SLC37A1: variants seen among roughly 807,000 people sequenced by gnomAD.
The protein encoded by SLC37A1 is solute carrier family 37 member 1, also known as glucose-6-phosphate exchanger SLC37A1.
A neutral mutation model predicts 75.3 loss-of-function variants in SLC37A1; 49 were observed. That is an observed-to-expected ratio of 0.65 (90% CI 0.52 to 0.83). The LOEUF (loss-of-function observed/expected upper bound fraction) is 0.83. Among genes scored for constraint, SLC37A1 ranks in the 40% least tolerant of loss-of-function variants. The pLI is 0.00. For missense variants in SLC37A1, 566 were observed against 695.0 expected, an observed-to-expected ratio of 0.81 and a Z score of 2.09; for synonymous variants, 268 against 292.1, an observed-to-expected ratio of 0.92 and a Z score of 0.84.
At position 42,518,277 on chromosome 21, in the gene SLC37A1, A is replaced by C; in HGVS notation, c.-178A>C. The C allele has an allele frequency of 1.5e-6, 1 of 679,744 alleles. No homozygotes were observed. Among genetic ancestry groups the C allele is most frequent in the Middle Eastern group, 3.6e-4 (1 of 2,744 alleles). 42.1% of individuals were successfully genotyped at this position (679,744 alleles called of 1,614,324 possible). A position where few individuals can be genotyped will look rare whatever the true frequency, so the allele number is the denominator to read the frequency against. On this transcript the variant is annotated splice_region_variant and 5_prime_UTR_variant, in exon 2 of 20. Coordinates refer to ENST00000352133, the MANE Select transcript of SLC37A1 (RefSeq NM_001320537.2). ...TGAATGCCTCTCCTCCTCCTTGTAG[A>C]GAGCAGAGCCACTGCCAGAAGGAAG...
At chr21:42,556,943 G>A (rs2055705745) in intron 10 of SLC37A1, among the ~76,000 whole-genome samples, 1 of 152,208 alleles carries the variant, frequency 6.6e-6, no homozygotes, top group Non-Finnish European at 1.5e-5. Context: ...CTGTCTCGGG[G>A]GCTCCTTGCT....
intron 1 of SLC37A1, among the ~76,000 whole-genome samples, chr21:42,515,374 AAT>A (rs1173187409): frequency 2.0e-5 from 3 of 152,182 alleles, no homozygotes; most frequent in African/African-American, 7.2e-5. Flanking sequence ...GTTAAAAAAA[AAT>A]GTCATAAAGT....
chr21:42,544,255 T>A (rs1430014410), intron 8 of SLC37A1, among the ~76,000 whole-genome samples: 2 of 152,108 alleles, frequency 1.3e-5, no homozygotes, highest in East Asian at 3.9e-4. Context: ...TGTACTCAAC[T>A]CTTAGTTCTT....
In SLC37A1 at chr21:42,547,121, G is replaced by T; in HGVS notation, c.749G>T (p.Cys250Phe). The T allele has an allele frequency of 6.2e-7, 1 of 1,614,156 alleles. No individual in the cohort carries two copies. The highest frequency in any genetic ancestry group is 8.5e-7 in the Non-Finnish European group (1 of 1,180,024). The change falls in exon 9 of 20, where the codon TGC becomes TTC. Residue 250 changes from cysteine (C) to phenylalanine (F), a missense_variant. Transcript: ENST00000352133. This position sits in a 1 kb window ranked among gnomAD's most constrained non-coding sequence, Gnocchi z 6.1. ...CTTTCAGATCCGAACGACGTCAGGT[G>T]CTCCTCCACCCTGGTGACGGTAAGG... ...FLIEHPNDVR[C>F]SSTLVTHSKG...
intron 9 of SLC37A1, among the ~76,000 whole-genome samples, chr21:42,550,892 TCAA>T (rs139004490): frequency 0.14 from 20,701 of 152,100 alleles, 2,036 homozygotes; most frequent in African/African-American, 0.28. Flanking sequence ...GTGAAAACAC[TCAA>T]CAAACTAGGA....
At chr21:42,539,015 C>A (rs1401655687) in intron 5 of SLC37A1, among the ~76,000 whole-genome samples, 1 of 152,188 alleles carries the variant, frequency 6.6e-6, no homozygotes, top group Non-Finnish European at 1.5e-5. Context: ...CAGCTGAAAG[C>A]CACTTCCCCA....
At chr21:42,505,007 G>A (rs529501488) in intron 2 of SLC37A1, among the ~76,000 whole-genome samples, 1 of 151,998 alleles carries the variant, frequency 6.6e-6, no homozygotes, top group Non-Finnish European at 1.5e-5. Flanking sequence ...CATTCCCACT[G>A]CTTCTTCCTT....
Position 42,539,654 on chromosome 21 carries a change from G to A in SLC37A1, c.486+7G>A, listed in dbSNP as rs375009237. On this transcript the variant is annotated splice_region_variant and intron_variant, in intron 6 of 19. Coordinates refer to ENST00000352133, the MANE Select transcript of SLC37A1 (RefSeq NM_001320537.2). Reference sequence around the variant, plus strand: ...ATTCTACGTGGTAACTCAGGTAAGGGTTTGGATCCGTGGCTCACCATGTAC... The same window carrying A: ...ATTCTACGTGGTAACTCAGGTAAGGATTTGGATCCGTGGCTCACCATGTAC... 57 of 1,611,524 alleles carry A rather than the reference G, an allele frequency of 3.5e-5. No individual in the cohort carries two copies. The South Asian group carries it at 5.2e-4, about 15-fold the overall frequency.
At chr21:42,525,176 A>G (rs139922893) in intron 2 of SLC37A1, among the ~76,000 whole-genome samples, 51 of 152,278 alleles carry the variant, frequency 3.3e-4, no homozygotes, top group Non-Finnish European at 6.8e-4. Flanking sequence ...GCATCTCTTC[A>G]TCTGTATGTA....
Position 42,539,465 on chromosome 21 carries a change from C to T in SLC37A1, c.351-47C>T, listed in dbSNP as rs1451556060. On this transcript the variant is annotated intron_variant, in intron 5 of 19. Coordinates refer to ENST00000352133, the MANE Select transcript of SLC37A1 (RefSeq NM_001320537.2). ...AAACAGCCACGAGGTTGCTAACATT[C>T]GGGCGTGTTTGTTATTCCTATTTGT... The T allele has an allele frequency of 5.1e-6, 8 of 1,569,826 alleles. No individual in the cohort carries two copies. The East Asian group carries it at 6.9e-5, about 14-fold the overall frequency.
chr21:42,576,999 A>G (rs1360067283), intron 18 of SLC37A1, among the ~76,000 whole-genome samples: 1 of 152,236 alleles, frequency 6.6e-6, no homozygotes, highest in Non-Finnish European at 1.5e-5. Context: ...AAAATAGCTG[A>G]GAATTTTCCA....
intron 17 of SLC37A1, among the ~76,000 whole-genome samples, chr21:42,570,937 C>G (rs926489024): frequency 2.0e-5 from 3 of 152,156 alleles, no homozygotes; most frequent in Non-Finnish European, 2.9e-5. Context: ...TAACCTGCAC[C>G]AAGTCCTGAC....
At chr21:42,550,506 A>G (rs1212800008) in intron 9 of SLC37A1, among the ~76,000 whole-genome samples, 18 of 152,262 alleles carry the variant, frequency 1.2e-4, no homozygotes, top group Admixed American at 1.2e-3. Flanking sequence ...CTTTACTGGT[A>G]AATTCTGCCA....
intron 17 of SLC37A1, among the ~76,000 whole-genome samples, chr21:42,572,537 A>G (rs2056202748): frequency 6.6e-6 from 1 of 151,614 alleles, no homozygotes; most frequent in African/African-American, 2.4e-5. Flanking sequence ...GTATTTTCCA[A>G]CTTTGTATCG....
chr21:42,574,491 T>A (rs118174382), intron 17 of SLC37A1, among the ~76,000 whole-genome samples: 8,888 of 152,280 alleles, frequency 0.058, 350 homozygotes, highest in Non-Finnish European at 0.085. Flanking sequence ...TTTTATTTTT[T>A]CAGATTGTGG....
intron 4 of SLC37A1, 74 bp downstream of exon 4, chr21:42,534,904 C>A: frequency 6.5e-7 from 1 of 1,534,378 alleles, no homozygotes; most frequent in Non-Finnish European, 8.8e-7. Flanking sequence ...ACTTTAGCAG[C>A]AGTAATGCTG....
chr21:42,565,103 C>A (rs2055942944), intron 14 of SLC37A1, among the ~76,000 whole-genome samples: 1 of 152,284 alleles, frequency 6.6e-6, no homozygotes, highest in Non-Finnish European at 1.5e-5. Flanking sequence ...CCTCCCCAAC[C>A]TCTTAGGCAT....
chr21:42,555,993 G>A (rs2138328), intron 10 of SLC37A1, among the ~76,000 whole-genome samples: 4 of 152,214 alleles, frequency 2.6e-5, no homozygotes, highest in East Asian at 1.9e-4. Context: ...CAGAGTGACC[G>A]CTGGGCTCAG....
intron 10 of SLC37A1, among the ~76,000 whole-genome samples, chr21:42,558,750 G>T (rs1028138453): frequency 4.6e-5 from 7 of 152,016 alleles, no homozygotes; most frequent in Admixed American, 4.6e-4. Context: ...TGGATCAGAG[G>T]ATCTGTGTAC....
Sources: gnomAD v4.1 joint callset for allele counts (sites outside exome capture counted in the v4.1 genomes callset) on GRCh38, gnomAD v4.1.1 for gene constraint, Gnocchi (gnomAD v3.1) non-coding constraint, MANE v1.5 for transcripts, NCBI Gene and HGNC (gene_info 2026-07-23, HGNC 2026-07-21) for gene names.